The following SH3PXD2B variants were observed in gnomAD, a reference collection of about 807,000 sequenced individuals.
The protein encoded by SH3PXD2B is SH3 and PX domain-containing protein 2B.
SH3PXD2B carries 37 observed loss-of-function variants against 73.1 expected under a neutral mutation model. The observed-to-expected ratio is 0.51, with a 90% CI of 0.39 to 0.67. The LOEUF (loss-of-function observed/expected upper bound fraction) is 0.67, where lower values mean the gene tolerates loss of function less well. SH3PXD2B is among the 30% of genes least tolerant of loss of function. SH3PXD2B has a pLI of 0.00. For missense variants in SH3PXD2B, 1,053 were observed against 1,197.8 expected (o/e 0.88, Z 1.78); for synonymous variants, 457 against 480.5 (o/e 0.95, Z 0.64).
At chr5:172,399,478 G>T (rs1386888841) in intron 3 of SH3PXD2B, among the ~76,000 whole-genome samples, 1 of 152,112 alleles carries the variant, frequency 6.6e-6, no homozygotes, top group Non-Finnish European at 1.5e-5. Flanking sequence ...TTCACCAGGA[G>T]ATCATCAAAA....
Position 172,382,027 on chromosome 5 carries a change from C to G in SH3PXD2B, c.401+9G>C, listed in dbSNP as rs757686274. 1 of 1,607,268 alleles carries G rather than the reference C, an allele frequency of 6.2e-7. No individual in the cohort carries two copies. Among genetic ancestry groups the G allele is most frequent in the South Asian group, 1.1e-5 (1 of 89,598 alleles). ...GGCTCCATCTGGGGAAGCCCACAAA[C>G]AAACTTACTCTTTGGGGGGATTCAG... is the stretch of plus-strand genomic sequence containing the variant. On this transcript the variant is annotated intron_variant, in intron 5 of 12. Coordinates refer to ENST00000311601, the MANE Select transcript of SH3PXD2B (RefSeq NM_001017995.3).
rs972068675 is a variant in SH3PXD2B at position 172,421,712 on chromosome 5, G to C, written c.156+704C>G. On this transcript the variant is annotated intron_variant, in intron 2 of 12. Coordinates refer to ENST00000311601, the MANE Select transcript of SH3PXD2B (RefSeq NM_001017995.3). This position sits in a 1 kb window ranked among gnomAD's most constrained non-coding sequence, Gnocchi z 4.0. ...ACAGGAGTGTGTGGGGAGGGCAAAG[G>C]CCTGTGGAGAGAGGCCAAGGTGAGG... Among the ~76,000 whole-genome samples, 1 of 152,196 alleles carries C rather than the reference G, an allele frequency of 6.6e-6. No homozygotes were observed.
At position 172,334,165 on chromosome 5, in the gene SH3PXD2B, A is replaced by G. The variant is rs952817651; in HGVS notation, c.*4204T>C. The G allele has an allele frequency of 1.2e-5, 13 of 1,112,800 alleles. No homozygotes were observed. The African/African-American group carries it at 2.2e-4, about 19-fold the overall frequency. The allele number at this position is 1,112,800 out of a possible 1,614,324, so 68.9% of individuals were successfully genotyped here. On this transcript the variant is annotated 3_prime_UTR_variant, in exon 13 of 13. Transcript: ENST00000311601. The stretch of plus-strand genomic sequence containing the variant: ...GAAGATGGAATGTTGAAACATGAGG[A>G]GGAGCTCGATAACTTGGCAGAATAG...
At chr5:172,368,553 ATT>A (rs1491380012) in intron 6 of SH3PXD2B, among the ~76,000 whole-genome samples, 1 of 14,776 alleles carries the variant, frequency 6.8e-5, no homozygotes, top group African/African-American at 5.2e-4. Flanking sequence ...ATATATATAT[ATT>A]ATATATATAT....
At chr5:172,355,703 C>T in intron 8 of SH3PXD2B, among the ~76,000 whole-genome samples, 2 of 152,064 alleles carry the variant, frequency 1.3e-5, no homozygotes, top group Non-Finnish European at 2.9e-5. Flanking sequence ...CGCCACCACG[C>T]CCGGCTAATT....
chr5:172,333,418 C>G (rs1216985199), downstream of SH3PXD2B: 1 of 874,252 alleles, frequency 1.1e-6, no homozygotes, highest in African/African-American at 1.9e-5. Flanking sequence ...GCATAGGTTT[C>G]TGTTCTTTGA....
chr5:172,452,392 TAA>T (rs1456357238), intron 1 of SH3PXD2B, among the ~76,000 whole-genome samples: 1 of 152,140 alleles, frequency 6.6e-6, no homozygotes, highest in Non-Finnish European at 1.5e-5. Flanking sequence ...TCACTAATGA[TAA>T]GAGAGATTTC....
At chr5:172,354,968 A>G (rs6556013) in intron 8 of SH3PXD2B, among the ~76,000 whole-genome samples, 3,501 of 152,268 alleles carry the variant, frequency 0.023, 105 homozygotes, top group African/African-American at 0.073. Context: ...GCACTCTGGC[A>G]GGGTGTCCCA....
rs752570851 is a variant in SH3PXD2B at position 172,339,101 on chromosome 5, A to G, written c.2004T>C (p.Ser668=). The change falls in exon 13 of 13, where the codon AGT becomes AGC. Residue 668 remains serine (S), a synonymous_variant. Coordinates refer to ENST00000311601, the MANE Select transcript of SH3PXD2B (RefSeq NM_001017995.3). This position sits in a 1 kb window ranked among gnomAD's most constrained non-coding sequence, Gnocchi z 6.1. ...EDQVDICNLR[S]KLRPAKSQDK... is the part of the protein sequence containing the mutation. Reference sequence around the variant, plus strand: ...CTTGGGACTTGGCAGGCCTGAGCTTACTCCTGAGGTTGCAGATGTCGACTT... The same window carrying G: ...CTTGGGACTTGGCAGGCCTGAGCTTGCTCCTGAGGTTGCAGATGTCGACTT... 1.9e-6 allele frequency: 3 copies of G among 1,613,890 alleles called. No homozygotes were observed. In the African/African-American group the frequency reaches 4.0e-5, roughly 22 times the overall value.
intron 12 of SH3PXD2B, among the ~76,000 whole-genome samples, chr5:172,326,266 A>G (rs1446927889): frequency 1.3e-5 from 2 of 152,244 alleles, no homozygotes; most frequent in East Asian, 3.8e-4. Context: ...AATTTAATAT[A>G]GTGAAGTTCT....
chr5:172,335,067 C>T lies in SH3PXD2B; in HGVS notation c.*3302G>A. On this transcript the variant is annotated 3_prime_UTR_variant, in exon 13 of 13. Transcript: ENST00000311601. ...TCTCAGCTGGGACGACATACACCCA[C>T]CAATGGCAAAGAAAGATTCCGAGCA... 1 of 985,512 alleles carries T rather than the reference C, an allele frequency of 1.0e-6. No individual in the cohort carries two copies. The highest frequency in any genetic ancestry group is 1.2e-6 in the Non-Finnish European group (1 of 829,996). 61.0% of individuals were successfully genotyped at this position (985,512 alleles called of 1,614,324 possible).
intron 2 of SH3PXD2B, among the ~76,000 whole-genome samples, chr5:172,420,991 C>G (rs1758953075): frequency 6.6e-6 from 1 of 152,160 alleles, no homozygotes; most frequent in South Asian, 2.1e-4. Flanking sequence ...TCAGTTACAT[C>G]CGCGAAAAAA....
intron 1 of SH3PXD2B, among the ~76,000 whole-genome samples, chr5:172,431,474 A>G (rs908761651): frequency 2.6e-5 from 4 of 152,216 alleles, no homozygotes; most frequent in African/African-American, 7.2e-5. Flanking sequence ...TATGACGCAC[A>G]ACAGGGGCCT....
At chr5:172,433,135 TACTC>T (rs143252254) in intron 1 of SH3PXD2B, among the ~76,000 whole-genome samples, 7,657 of 152,212 alleles carry the variant, frequency 0.05, 267 homozygotes, top group South Asian at 0.2. Flanking sequence ...TCTAGTCAAA[TACTC>T]ACCATTGTGT....
intron 9 of SH3PXD2B, among the ~76,000 whole-genome samples, chr5:172,352,120 G>A (rs1441975009): frequency 2.0e-5 from 3 of 152,154 alleles, no homozygotes; most frequent in African/African-American, 7.2e-5. Context: ...GTCTAATTAA[G>A]CCACTGCTGA....
intron 1 of SH3PXD2B, among the ~76,000 whole-genome samples, chr5:172,429,258 C>T (rs1156609559): frequency 6.6e-6 from 1 of 152,172 alleles, no homozygotes; most frequent in Admixed American, 6.5e-5. Context: ...TGAGGTGGTC[C>T]TGCCCCCTTG....
chr5:172,401,073 TC>T (rs1164036322), intron 3 of SH3PXD2B, among the ~76,000 whole-genome samples: 1 of 152,234 alleles, frequency 6.6e-6, no homozygotes, highest in Admixed American at 6.5e-5. Flanking sequence ...GCAAGCCAAT[TC>T]CACCCAAATG....
At chr5:172,371,071 T>C (rs1581283133) in intron 6 of SH3PXD2B, among the ~76,000 whole-genome samples, 1 of 152,156 alleles carries the variant, frequency 6.6e-6, no homozygotes, top group South Asian at 2.1e-4. Context: ...TTATCAAGTG[T>C]TATAAAATAC....
chr5:172,342,212 A>T (rs1392439126), intron 12 of SH3PXD2B, among the ~76,000 whole-genome samples: 1 of 152,196 alleles, frequency 6.6e-6, no homozygotes, highest in Non-Finnish European at 1.5e-5. Context: ...TAAGCCACCC[A>T]GTCTGGTATT....
Sources: allele counts gnomAD v4.1 joint callset (sites outside exome capture counted in the v4.1 genomes callset), GRCh38; gene constraint gnomAD v4.1.1; non-coding constraint Gnocchi (gnomAD v3.1); transcripts MANE v1.5; gene names NCBI Gene and HGNC (gene_info 2026-07-23, HGNC 2026-07-21).